Variants in HECW1 observed in about 807,000 individuals in gnomAD.
The protein encoded by HECW1 is E3 ubiquitin-protein ligase HECW1.
Under a neutral mutation model 182.3 loss-of-function variants are expected in HECW1, and 61 were observed. The observed-to-expected ratio is 0.33, with a 90% confidence interval of 0.27 to 0.41. The LOEUF (loss-of-function observed/expected upper bound fraction) is 0.41, where lower values mean the gene tolerates loss of function less well. Among genes scored for constraint, HECW1 ranks in the 10% least tolerant of loss-of-function variants. HECW1 has a pLI of 1.00. For synonymous variants in HECW1, 859 were observed against 832.6 expected (o/e 1.03, Z -0.55); for missense variants, 1,739 against 2,108.9 (o/e 0.82, Z 3.44).
chr7:43,114,848 A>G (rs765027095), intron 2 of HECW1, among the ~76,000 whole-genome samples: 8 of 152,244 alleles, frequency 5.3e-5, no homozygotes, highest in Non-Finnish European at 1.0e-4. Context: ...CAATGTATCA[A>G]TACAGAGGGA....
intron 14 of HECW1, among the ~76,000 whole-genome samples, chr7:43,465,955 GAGAA>G (rs1446497106): frequency 3.7e-5 from 5 of 136,522 alleles, no homozygotes; most frequent in Admixed American, 2.4e-4. Context: ...AGAAAAGAAA[GAGAA>G]AGAAAGAAGA....
At chr7:43,541,129 A>T in intron 24 of HECW1, 34 bp from the exon 25 acceptor site, 2 of 1,502,454 alleles carry the variant, frequency 1.3e-6, no homozygotes, top group Non-Finnish European at 1.9e-6. Context: ...GTAAATTTCC[A>T]CTTACCGATT....
intron 17 of HECW1, among the ~76,000 whole-genome samples, chr7:43,485,728 G>C (rs75870777): frequency 0.18 from 27,036 of 152,152 alleles, 2,768 homozygotes; most frequent in South Asian, 0.23. Context: ...ACCTGTATAG[G>C]ATACTTACAG....
rs556359225 is a variant in HECW1, at chr7:43,150,934, T to G, written c.-32+36543T>G. ...CTGCGGCCTAGCCCCCAGGCTTCACTTGGCGTGGACAACTTGCTAAGTAAA... is the reference window on the plus strand; with the variant it reads ...CTGCGGCCTAGCCCCCAGGCTTCACGTGGCGTGGACAACTTGCTAAGTAAA... On this transcript the variant is annotated intron_variant, in intron 2 of 29. Transcript: ENST00000395891. The G allele has an allele frequency of 9.0e-5, 14 of 155,080 alleles. No individual in the cohort carries two copies. In the Middle Eastern group the frequency reaches 1.6e-3, roughly 17 times the overall value. 9.6% of individuals were successfully genotyped at this position (155,080 alleles called of 1,614,324 possible).
At chr7:43,326,089 G>A (rs868758775) in intron 5 of HECW1, among the ~76,000 whole-genome samples, 4 of 152,276 alleles carry the variant, frequency 2.6e-5, no homozygotes, top group Middle Eastern at 6.8e-3. Flanking sequence ...GGCCTGCTCA[G>A]CTTCAAAGAC....
intron 6 of HECW1, among the ~76,000 whole-genome samples, chr7:43,381,252 T>C (rs1008087584): frequency 6.6e-6 from 1 of 152,198 alleles, no homozygotes; most frequent in African/African-American, 2.4e-5. Flanking sequence ...TTCTTTGTTA[T>C]ATATCTTCTA....
At chr7:43,502,676 G>GA (rs1278460384) in intron 21 of HECW1, among the ~76,000 whole-genome samples, 11 of 151,208 alleles carry the variant, frequency 7.3e-5, no homozygotes, top group South Asian at 2.1e-4. Flanking sequence ...ACAAACAAAC[G>GA]AAAAAAAAGA....
At chr7:43,161,863 T>C (rs1790568372) in intron 2 of HECW1, 1 of 152,292 alleles carries the variant, frequency 6.6e-6, no homozygotes, top group Non-Finnish European at 1.5e-5. Context: ...TGTGTATCTG[T>C]GTCCTCTGTG....
At chr7:43,304,463 T>G (rs1004110220) in intron 3 of HECW1, among the ~76,000 whole-genome samples, 32 of 46,718 alleles carry the variant, frequency 6.8e-4, no homozygotes, top group African/African-American at 3.4e-3. Context: ...AACACAGTTA[T>G]TTATTTATTT....
intron 8 of HECW1, among the ~76,000 whole-genome samples, chr7:43,413,440 C>A: frequency 3.8e-5 from 1 of 26,550 alleles, no homozygotes; most frequent in Non-Finnish European, 6.4e-5. Flanking sequence ...TTTTGCTGTG[C>A]AGAAGCTCTT....
rs79019828 is a variant in HECW1 at position 43,240,604 on chromosome 7, G to A, written c.-31-3271G>A. Among the ~76,000 whole-genome samples, 515 of 152,280 alleles carry A rather than the reference G, an allele frequency of 3.4e-3. 1 individual carries two copies. Among genetic ancestry groups the A allele is most frequent in the Middle Eastern group, 0.02 (6 of 294 alleles). ...TAGGGACAGATAAATATTTGCCCAG[G>A]AGAAACATCCTGCTTGGTTCATTTG... On this transcript the variant is annotated intron_variant, in intron 2 of 29. Transcript: ENST00000395891.
chr7:43,177,750 G>A (rs369444533), intron 2 of HECW1, among the ~76,000 whole-genome samples: 6 of 152,268 alleles, frequency 3.9e-5, no homozygotes, highest in Admixed American at 1.3e-4. Flanking sequence ...TTAGCACAGC[G>A]TCTGGCACAA....
chr7:43,129,946 A>G (rs1786726311), intron 2 of HECW1, among the ~76,000 whole-genome samples: 2 of 152,202 alleles, frequency 1.3e-5, no homozygotes, highest in Admixed American at 1.3e-4. Flanking sequence ...GACAAGAAAA[A>G]GTCTGTACAT....
rs138489968 is a variant in HECW1 at position 43,466,514 on chromosome 7, A to C, written c.2859A>C (p.Pro953=). 29,782 of 1,613,868 alleles carry C rather than the reference A, an allele frequency of 0.018. 377 individuals carry two copies. Among genetic ancestry groups the C allele is most frequent in the Non-Finnish European group, 0.022 (25,639 of 1,179,804 alleles). Reference sequence around the variant, plus strand: ...AAATCACCTTGCTGCTGCAGTCCCCAGCGGTCAAGTTCATCACCAACCCCG... The same window carrying C: ...AAATCACCTTGCTGCTGCAGTCCCCCGCGGTCAAGTTCATCACCAACCCCG... The part of the protein sequence containing the change: ...SQKITLLLQS[P]AVKFITNPEF... Residue 953 remains proline, a synonymous_variant, in exon 15 of 30, where the codon CCA becomes CCC. Transcript: ENST00000395891.
chr7:43,370,625 C>G (rs931843880), intron 6 of HECW1, among the ~76,000 whole-genome samples: 1 of 151,910 alleles, frequency 6.6e-6, no homozygotes, highest in Non-Finnish European at 1.5e-5. Context: ...AGCAGGCAAG[C>G]AGATAAATTG....
At chr7:43,379,953 A>G (rs1349124926) in intron 6 of HECW1, among the ~76,000 whole-genome samples, 1 of 152,206 alleles carries the variant, frequency 6.6e-6, no homozygotes, top group Non-Finnish European at 1.5e-5. Context: ...CACCCACCAG[A>G]GCAGTACCTG....
chr7:43,546,219 C>CTTTTTTTTTT, intron 26 of HECW1, among the ~76,000 whole-genome samples: 1 of 91,874 alleles, frequency 1.1e-5, no homozygotes, highest in Non-Finnish European at 2.1e-5. Context: ...TACCCCCAAC[C>CTTTTTTTTTT]TTTTTTTTTT....
chr7:43,521,324 A>G (rs34722832), intron 24 of HECW1, among the ~76,000 whole-genome samples: 18,085 of 152,162 alleles, frequency 0.12, 1,286 homozygotes, highest in East Asian at 0.37. Context: ...CAGCTGTCAC[A>G]ACCAAAAATG....
intron 2 of HECW1, among the ~76,000 whole-genome samples, chr7:43,197,737 G>A (rs1268336697): frequency 1.3e-5 from 2 of 152,102 alleles, no homozygotes; most frequent in Non-Finnish European, 2.9e-5. Context: ...GGACTCTGAC[G>A]AACACAGACC....
Sources: allele counts gnomAD v4.1 joint callset (sites outside exome capture counted in the v4.1 genomes callset), GRCh38; gene constraint gnomAD v4.1.1; transcripts MANE v1.5; gene names NCBI Gene and HGNC (gene_info 2026-07-23, HGNC 2026-07-21).